USP3: variants seen among roughly 807,000 people sequenced by gnomAD.
USP3 encodes the protein ubiquitin carboxyl-terminal hydrolase 3.
USP3 carries 20 observed loss-of-function variants against 72.3 expected under a neutral mutation model. That is an observed-to-expected ratio of 0.28 (90% confidence interval 0.19 to 0.40). The LOEUF is 0.40. Ranked by LOEUF, USP3 falls within the 10% of genes least tolerant of loss-of-function variation. The pLI is 1.00. For missense variants in USP3, 479 were observed against 633.9 expected, an observed-to-expected ratio of 0.76 and a Z score of 2.62; for synonymous variants, 222 against 225.3, an observed-to-expected ratio of 0.99 and a Z score of 0.13.
intron 1 of USP3, among the ~76,000 whole-genome samples, chr15:63,515,185 A>G (rs1325443459): frequency 1.3e-5 from 2 of 152,188 alleles, no homozygotes; most frequent in Admixed American, 6.5e-5. Flanking sequence ...CAGTTCCAGT[A>G]TTTAAAATGA....
intron 11 of USP3, among the ~76,000 whole-genome samples, chr15:63,575,158 GTTTTTT>G (rs11321018): frequency 1.6e-5 from 2 of 121,494 alleles, no homozygotes; most frequent in Admixed American, 8.3e-5. Flanking sequence ...TGTCATGATG[GTTTTTT>G]TTTTTTTTTT....
intron 3 of USP3, chr15:63,551,191 CTGT>C (rs1448690257): frequency 1.3e-5 from 2 of 152,142 alleles, no homozygotes; most frequent in East Asian, 3.8e-4. Context: ...TGTCTCTTAA[CTGT>C]TGTTTATTAT....
At chr15:63,541,489 TTGAA>T (rs1246461855) in intron 3 of USP3, among the ~76,000 whole-genome samples, 2 of 152,154 alleles carry the variant, frequency 1.3e-5, no homozygotes. Context: ...AAACAATATT[TTGAA>T]GTTTAAGAAG....
intron 14 of USP3, 125 bp downstream of exon 14, chr15:63,589,136 C>T (rs1566921785): frequency 2.6e-6 from 3 of 1,157,626 alleles, no homozygotes; most frequent in Non-Finnish European, 3.8e-6. Context: ...GGTGAAATTT[C>T]CTTCAGTTTT....
chr15:63,550,574 A>G (rs1354832105), intron 3 of USP3, among the ~76,000 whole-genome samples: 1 of 152,232 alleles, frequency 6.6e-6, no homozygotes, highest in African/African-American at 2.4e-5. Context: ...TGTAAATTTG[A>G]AGGTCATTTG....
At chr15:63,538,415 A>G (rs181640498) in intron 3 of USP3, among the ~76,000 whole-genome samples, 22 of 152,298 alleles carry the variant, frequency 1.4e-4, no homozygotes, top group Non-Finnish European at 3.1e-4. Flanking sequence ...AGAAGTCCAG[A>G]TAACAATTTT....
chr15:63,543,281 A>AC (rs2066272284), intron 3 of USP3, among the ~76,000 whole-genome samples: 2 of 152,170 alleles, frequency 1.3e-5, no homozygotes, highest in Admixed American at 1.3e-4. Context: ...TGGTCCTCAA[A>AC]CATATTGTGA....
chr15:63,592,922 C>G lies in USP3; in HGVS notation c.*2096C>G, dbSNP rs1187332274. 1.3e-5 allele frequency: 2 copies of G among 152,168 alleles called. No homozygotes were observed. The highest frequency in any genetic ancestry group is 2.4e-5 in the African/African-American group (1 of 41,424). The allele number at this position is 152,168 out of a possible 1,614,324, so 9.4% of individuals were successfully genotyped here. A position where few individuals can be genotyped will look rare whatever the true frequency, so the allele number is the denominator to read the frequency against. ...ACATCTGCTAAACACTTTAACATGA[C>G]AAGGAGCAAATTACAATTATGTGTA... On this transcript the variant is annotated 3_prime_UTR_variant, in exon 15 of 15. Coordinates refer to ENST00000380324, the MANE Select transcript of USP3 (RefSeq NM_006537.4).
intron 3 of USP3, among the ~76,000 whole-genome samples, chr15:63,550,435 A>G (rs1022455914): frequency 2.0e-5 from 3 of 152,218 alleles, no homozygotes; most frequent in Non-Finnish European, 4.4e-5. Context: ...CTGATGTTGG[A>G]ACACTGTCTT....
intron 1 of USP3, among the ~76,000 whole-genome samples, chr15:63,517,927 T>G (rs2065873739): frequency 2.0e-5 from 3 of 152,234 alleles, no homozygotes; most frequent in Non-Finnish European, 4.4e-5. Context: ...TTGTCTGCTT[T>G]GGTTACCTCA....
intron 1 of USP3, among the ~76,000 whole-genome samples, chr15:63,525,515 T>A (rs2065970155): frequency 6.6e-6 from 1 of 152,216 alleles, no homozygotes; most frequent in Admixed American, 6.5e-5. Flanking sequence ...CCTTGGCAGT[T>A]GCTTCATGTA....
chr15:63,582,768 G>A (rs1320936726), intron 11 of USP3, among the ~76,000 whole-genome samples: 1 of 152,218 alleles, frequency 6.6e-6, no homozygotes, highest in African/African-American at 2.4e-5. Flanking sequence ...GCATTGGAGA[G>A]AAGATGAGGA....
intron 11 of USP3, among the ~76,000 whole-genome samples, chr15:63,579,040 A>G (rs1434613297): frequency 2.0e-5 from 3 of 152,224 alleles, no homozygotes; most frequent in Non-Finnish European, 4.4e-5. Flanking sequence ...GGAGCTAAAA[A>G]GTTCAGGCAA....
In USP3 at chr15:63,527,006, C is replaced by T. The variant is rs369785667; in HGVS notation, c.92-5641C>T. Among the ~76,000 whole-genome samples the T allele has an allele frequency of 4.6e-5, 7 of 152,272 alleles. No homozygotes were observed. The East Asian group carries it at 1.2e-3, about 25-fold the overall frequency. ...ACTTCCTGGGCTCACGGGATTCTCC[C>T]GCCTCAGCCTCCGGAGCAGCAGGGA... On this transcript the variant is annotated intron_variant, in intron 1 of 14. Transcript: ENST00000380324.
chr15:63,590,604 A>G, intron 14 of USP3, 57 bp from the exon 15 acceptor site: 2 of 1,437,958 alleles, frequency 1.4e-6, no homozygotes, highest in South Asian at 1.5e-5. Context: ...ATATAGTTGT[A>G]CAGGTCTTTT....
rs1226121889 is a variant in USP3 at position 63,504,794 on chromosome 15, T to G, written c.55T>G (p.Phe19Val). 3.1e-6 allele frequency: 5 copies of G among 1,609,750 alleles called. No homozygotes were observed. Among genetic ancestry groups the G allele is most frequent in the South Asian group, 1.1e-5 (1 of 90,674 alleles). The change falls in exon 1 of 15, where the codon TTC becomes GTC. Residue 19 changes from phenylalanine to valine, a missense_variant. Physicochemically the swap from Phe to Val is conservative, Grantham distance 50. Coordinates refer to ENST00000380324, the MANE Select transcript of USP3 (RefSeq NM_006537.4). ...CTGCATTGCTCCGGACTCAGCCAAG[T>G]TCCCCAACGGCTCCCCGTCGTCCTG... ...SVCIAPDSAKFPNGSPSSWCC... is the reference protein window; with the variant it reads ...SVCIAPDSAKVPNGSPSSWCC...
At position 63,570,699 on chromosome 15, in the gene USP3, C is replaced by T. The variant is rs909188002; in HGVS notation, c.908+120C>T. On this transcript the variant is annotated intron_variant, in intron 9 of 14. Coordinates refer to ENST00000380324, the MANE Select transcript of USP3 (RefSeq NM_006537.4). This position sits in a 1 kb window ranked among gnomAD's most constrained non-coding sequence, Gnocchi z 4.4. ...TTCTTGGACATTTGCTGGAACTTTT[C>T]GTGCCCTTGAACTTTGTGACCCAGT... The T allele has an allele frequency of 1.7e-5, 25 of 1,429,026 alleles. No individual in the cohort carries two copies. In the South Asian group the frequency reaches 3.1e-4, roughly 18 times the overall value. The allele number at this position is 1,429,026 out of a possible 1,614,324, so 88.5% of individuals were successfully genotyped here. A position where few individuals can be genotyped will look rare whatever the true frequency, so the allele number is the denominator to read the frequency against.
intron 2 of USP3, among the ~76,000 whole-genome samples, chr15:63,534,589 C>G (rs2066127156): frequency 6.6e-6 from 1 of 152,148 alleles, no homozygotes; most frequent in Admixed American, 6.5e-5. Flanking sequence ...AACTGTTAAC[C>G]TCTTCGACTA....
chr15:63,507,491 T>TC (rs752481159), intron 1 of USP3, among the ~76,000 whole-genome samples: 1 of 152,200 alleles, frequency 6.6e-6, no homozygotes, highest in Non-Finnish European at 1.5e-5. Flanking sequence ...TATACACTGT[T>TC]CTAGTAATAG....
Sources: allele counts gnomAD v4.1 joint callset (sites outside exome capture counted in the v4.1 genomes callset), GRCh38; gene constraint gnomAD v4.1.1; non-coding constraint Gnocchi (gnomAD v3.1); transcripts MANE v1.5; gene names NCBI Gene and HGNC (gene_info 2026-07-23, HGNC 2026-07-21).